PTPN21: variants seen among roughly 807,000 people sequenced by gnomAD.
PTPN21 encodes the protein tyrosine-protein phosphatase non-receptor type 21.
Under a neutral mutation model 131.8 loss-of-function variants are expected in PTPN21, and 77 were observed. The observed-to-expected ratio is 0.58, with a 90% CI of 0.49 to 0.71. The LOEUF (loss-of-function observed/expected upper bound fraction) is 0.71, where lower values mean the gene tolerates loss of function less well. Ranked by LOEUF, PTPN21 falls within the 30% of genes least tolerant of loss-of-function variation. The pLI, the probability that PTPN21 is intolerant of heterozygous loss-of-function variation, is 0.00. For missense variants in PTPN21, 1,552 were observed against 1,527.1 expected (o/e 1.02, Z -0.27); for synonymous variants, 715 against 621.3 (o/e 1.15, Z -2.24).
intron 12 of PTPN21, 139 bp from the exon 13 acceptor site, chr14:88,480,491 A>G (rs2077637820): frequency 1.4e-6 from 1 of 718,834 alleles, no homozygotes; most frequent in African/African-American, 1.8e-5. Flanking sequence ...AGCTTTAGCC[A>G]CACTATCTGA....
chr14:88,525,235 TG>T (rs1218436255), intron 2 of PTPN21, among the ~76,000 whole-genome samples: 1 of 151,796 alleles, frequency 6.6e-6, no homozygotes, highest in Non-Finnish European at 1.5e-5. Flanking sequence ...AGCAAGACCC[TG>T]TCTCAAAAAA....
Position 88,479,715 on chromosome 14 carries a change from G to A in PTPN21, c.1716C>T (p.Pro572=), listed in dbSNP as rs754378211. The A allele has an allele frequency of 7.9e-6, 12 of 1,515,806 alleles. No individual in the cohort carries two copies. The Admixed American group carries it at 8.3e-5, about 11-fold the overall frequency. 93.9% of individuals were successfully genotyped at this position (1,515,806 alleles called of 1,614,324 possible). The change falls in exon 13 of 19, where the codon CCC becomes CCT. Residue 572 remains proline, a synonymous_variant. Transcript: ENST00000556564. ...GGTCTGGCGTGCTGTTGGCGGGCCT[G>A]GGGGGCGGGTAGGGTGGGGGTGGCC... The part of the protein sequence containing the change: ...VYRPPPPYPP[P]RPANSTPDLS...
intron 10 of PTPN21, among the ~76,000 whole-genome samples, chr14:88,491,967 A>G (rs2077831529): frequency 6.6e-6 from 1 of 152,082 alleles, no homozygotes; most frequent in Non-Finnish European, 1.5e-5. Flanking sequence ...CATTCACCAT[A>G]ATCAATCATT....
intron 10 of PTPN21, among the ~76,000 whole-genome samples, chr14:88,496,050 C>T: frequency 6.6e-6 from 1 of 152,110 alleles, no homozygotes; most frequent in East Asian, 1.9e-4. Flanking sequence ...GTAAGAAACC[C>T]ATGTGGGCTA....
intron 2 of PTPN21, among the ~76,000 whole-genome samples, chr14:88,546,561 G>A (rs1360649170): frequency 2.3e-5 from 3 of 130,992 alleles, no homozygotes; most frequent in Non-Finnish European, 4.8e-5. Flanking sequence ...GGGCAAAAGA[G>A]TGAAACTCCA....
At position 88,550,270 on chromosome 14, in the gene PTPN21, C is replaced by G. The variant is rs1164941668; in HGVS notation, c.148G>C (p.Glu50Gln). The part of the protein sequence containing the change: ...SVESTGQESL[E>Q]AVAQRLELRE... Reference sequence around the variant, plus strand: ...AGCTCCAGCCTCTGGGCCACGGCCTCGAGGCTTTCCTGGCCAGTGCTCTCC... The same window carrying G: ...AGCTCCAGCCTCTGGGCCACGGCCTGGAGGCTTTCCTGGCCAGTGCTCTCC... Residue 50 changes from glutamate to glutamine, a missense_variant, in exon 2 of 19, where the codon GAG becomes CAG. Glu to Gln is a conservative substitution (Grantham distance 29). This residue lies in a region of PTPN21 where 206 missense variants were observed against 221.6 expected (regional missense o/e 0.93). Transcript: ENST00000556564. 6.2e-7 allele frequency: 1 copy of G among 1,614,090 alleles called. No homozygotes were observed. Among genetic ancestry groups the G allele is most frequent in the Admixed American group, 1.7e-5 (1 of 60,024 alleles).
intron 12 of PTPN21, among the ~76,000 whole-genome samples, chr14:88,482,850 G>A (rs2077672418): frequency 6.6e-6 from 1 of 151,626 alleles, no homozygotes; most frequent in South Asian, 2.1e-4. Flanking sequence ...CGCTTTAACA[G>A]AGTGGCAAAG....
chr14:88,491,666 T>G (rs946597059), intron 10 of PTPN21, among the ~76,000 whole-genome samples: 6 of 152,226 alleles, frequency 3.9e-5, no homozygotes, highest in Admixed American at 2.0e-4. Context: ...TCATTTACTT[T>G]ATGTGGGAAA....
chr14:88,540,148 C>A (rs1296985823), intron 2 of PTPN21, among the ~76,000 whole-genome samples: 1 of 152,130 alleles, frequency 6.6e-6, no homozygotes, highest in Non-Finnish European at 1.5e-5. Context: ...CCATTATTAT[C>A]CCTCAGTGTA....
At chr14:88,553,127 A>T (rs935039970) in intron 1 of PTPN21, among the ~76,000 whole-genome samples, 1 of 152,220 alleles carries the variant, frequency 6.6e-6, no homozygotes, top group Non-Finnish European at 1.5e-5. Context: ...TATTAACTTA[A>T]GCTCTGATTA....
intron 2 of PTPN21, among the ~76,000 whole-genome samples, chr14:88,532,765 T>A (rs1326081996): frequency 1.3e-5 from 2 of 152,168 alleles, no homozygotes; most frequent in Admixed American, 1.3e-4. Flanking sequence ...ACATTCTTTT[T>A]AGCAAAGGAG....
At chr14:88,497,180 G>A in intron 9 of PTPN21, 23 bp downstream of exon 9, 3 of 1,552,330 alleles carry the variant, frequency 1.9e-6, no homozygotes, top group Middle Eastern at 1.7e-4. Flanking sequence ...AACATTCCAT[G>A]CAGACCCCTA....
At chr14:88,505,764 T>C (rs1427405552) in intron 4 of PTPN21, among the ~76,000 whole-genome samples, 4 of 152,192 alleles carry the variant, frequency 2.6e-5, no homozygotes. Context: ...TTGAATATAT[T>C]ACAGCAAGAT....
At chr14:88,476,592 A>G (rs2077550933) in intron 13 of PTPN21, among the ~76,000 whole-genome samples, 1 of 152,234 alleles carries the variant, frequency 6.6e-6, no homozygotes, top group Non-Finnish European at 1.5e-5. Context: ...GCCACGAAGC[A>G]GGCAGCGAAG....
intron 2 of PTPN21, among the ~76,000 whole-genome samples, chr14:88,544,858 C>T (rs2139360279): frequency 6.6e-6 from 1 of 152,110 alleles, no homozygotes; most frequent in East Asian, 1.9e-4. Context: ...GACAGAGTCT[C>T]ACTCTGTCGC....
chr14:88,516,151 A>T (rs1379456588), intron 3 of PTPN21, among the ~76,000 whole-genome samples: 3 of 152,170 alleles, frequency 2.0e-5, no homozygotes, highest in African/African-American at 7.2e-5. Context: ...GGACAATCCT[A>T]ATAACAGGGT....
At chr14:88,504,337 T>C in intron 6 of PTPN21, 88 bp downstream of exon 6, 5 of 1,064,694 alleles carry the variant, frequency 4.7e-6, no homozygotes, top group Non-Finnish European at 2.8e-6. Flanking sequence ...TAAATATTAA[T>C]CATGTAAATT....
intron 10 of PTPN21, among the ~76,000 whole-genome samples, chr14:88,495,860 C>T (rs138497956): frequency 1.1e-3 from 172 of 152,124 alleles, no homozygotes; most frequent in African/African-American, 3.9e-3. Flanking sequence ...GCATCAGTAA[C>T]GTGGAGGCTT....
At position 88,474,390 on chromosome 14, in the gene PTPN21, A is replaced by T. The variant is rs568483621; in HGVS notation, c.2512-588T>A. ...TGTTTTGTAGAGATGGGGTCTCACT[A>T]TGTTGCCCAGGCTGGTCTCAAACAA... On this transcript the variant is annotated intron_variant, in intron 13 of 18. Coordinates refer to ENST00000556564, the MANE Select transcript of PTPN21 (RefSeq NM_007039.4). Among the ~76,000 whole-genome samples, 3 of 152,152 alleles carry T rather than the reference A, an allele frequency of 2.0e-5. No homozygotes were observed. The South Asian group carries it at 6.2e-4, about 32-fold the overall frequency.
Sources: allele counts gnomAD v4.1 joint callset (sites outside exome capture counted in the v4.1 genomes callset), GRCh38; gene constraint gnomAD v4.1.1; regional missense constraint gnomAD v4.1.1; transcripts MANE v1.5; gene names NCBI Gene and HGNC (gene_info 2026-07-23, HGNC 2026-07-21).